Variants in SDC2 observed in about 807,000 individuals in gnomAD.
SDC2 encodes the protein syndecan-2.
SDC2 carries 13 observed loss-of-function variants against 22.2 expected under a neutral mutation model. The ratio of observed to expected loss-of-function variants is 0.59; its 90% CI spans 0.38 to 0.93. SDC2 has a LOEUF of 0.93. Ranked by LOEUF, SDC2 falls within the 40% of genes least tolerant of loss-of-function variation. SDC2 has a pLI of 0.00. For missense variants in SDC2, 235 were observed against 246.8 expected, an observed-to-expected ratio of 0.95 and a Z score of 0.32; for synonymous variants, 94 against 92.8, an observed-to-expected ratio of 1.01 and a Z score of -0.07.
chr8:96,500,417 T>C (rs1038799149), intron 1 of SDC2, among the ~76,000 whole-genome samples: 2 of 151,974 alleles, frequency 1.3e-5, no homozygotes, highest in African/African-American at 4.8e-5. Context: ...ATCCCAGCAC[T>C]TTGGGAGGCC....
chr8:96,542,090 GCTCT>G, intron 1 of SDC2, among the ~76,000 whole-genome samples: 1 of 152,208 alleles, frequency 6.6e-6, no homozygotes, highest in South Asian at 2.1e-4. Context: ...ACCAGAAATG[GCTCT>G]CTTTGTAATT....
At chr8:96,512,630 T>G (rs1035014897) in intron 1 of SDC2, among the ~76,000 whole-genome samples, 2 of 151,916 alleles carry the variant, frequency 1.3e-5, no homozygotes, top group African/African-American at 4.8e-5. Flanking sequence ...AAGCCAGATG[T>G]GGGGGCATTG....
chr8:96,573,053 G>C (rs1208588662), intron 1 of SDC2, among the ~76,000 whole-genome samples: 1 of 152,050 alleles, frequency 6.6e-6, no homozygotes, highest in African/African-American at 2.4e-5. Flanking sequence ...CTTAATGTGG[G>C]GCCTTGCCTG....
chr8:96,566,517 G>A (rs1814301184), intron 1 of SDC2, among the ~76,000 whole-genome samples: 2 of 152,070 alleles, frequency 1.3e-5, no homozygotes, highest in African/African-American at 4.8e-5. Context: ...TTGTTTGGGT[G>A]TGTTTTCATG....
chr8:96,531,911 GC>G (rs1586283485), intron 1 of SDC2, among the ~76,000 whole-genome samples: 1 of 152,186 alleles, frequency 6.6e-6, no homozygotes, highest in Non-Finnish European at 1.5e-5. Flanking sequence ...AAATTTATGT[GC>G]CAATTCAGGA....
intron 1 of SDC2, among the ~76,000 whole-genome samples, chr8:96,551,599 C>A (rs1814028630): frequency 6.6e-6 from 1 of 152,176 alleles, no homozygotes; most frequent in African/African-American, 2.4e-5. Context: ...CAAGGCCCAC[C>A]TCCTCACCTG....
At chr8:96,589,829 C>T (rs111685302) in intron 1 of SDC2, among the ~76,000 whole-genome samples, 8 of 152,284 alleles carry the variant, frequency 5.3e-5, no homozygotes, top group African/African-American at 1.4e-4. Context: ...TTCAAAGACA[C>T]GGACGTGGGC....
At chr8:96,507,011 G>GAA (rs3065030) in intron 1 of SDC2, among the ~76,000 whole-genome samples, 47 of 111,398 alleles carry the variant, frequency 4.2e-4, no homozygotes, top group African/African-American at 6.0e-4. Flanking sequence ...TCTGTCTCAG[G>GAA]AAAAAAAAAA....
chr8:96,514,655 A>G (rs1320621979), intron 1 of SDC2, among the ~76,000 whole-genome samples: 1 of 152,050 alleles, frequency 6.6e-6, no homozygotes, highest in Non-Finnish European at 1.5e-5. Flanking sequence ...GTTTTTCCAC[A>G]GGTGTTAGGG....
chr8:96,552,778 A>AGTGT (rs1814047785), intron 1 of SDC2, among the ~76,000 whole-genome samples: 1 of 152,126 alleles, frequency 6.6e-6, no homozygotes, highest in Non-Finnish European at 1.5e-5. Flanking sequence ...AAAATTGTTG[A>AGTGT]GTGTATTTAG....
intron 1 of SDC2, among the ~76,000 whole-genome samples, chr8:96,535,124 G>A (rs953418066): frequency 5.3e-5 from 8 of 151,772 alleles, no homozygotes; most frequent in East Asian, 1.9e-4. Flanking sequence ...ATTCTCCTGC[G>A]TCAGCCTCCG....
At chr8:96,569,678 A>G (rs2130579608) in intron 1 of SDC2, among the ~76,000 whole-genome samples, 1 of 152,302 alleles carries the variant, frequency 6.6e-6, no homozygotes, top group South Asian at 2.1e-4. Context: ...GGTACGTGGC[A>G]TATATTAACT....
intron 1 of SDC2, among the ~76,000 whole-genome samples, chr8:96,514,713 A>G (rs1225210956): frequency 5.3e-5 from 8 of 152,172 alleles, no homozygotes; most frequent in Non-Finnish European, 1.0e-4. Flanking sequence ...ATCAGGCATC[A>G]GACTCCTTTC....
At chr8:96,525,797 A>G (rs111992242) in intron 1 of SDC2, among the ~76,000 whole-genome samples, 5,045 of 152,256 alleles carry the variant, frequency 0.033, 113 homozygotes, top group Non-Finnish European at 0.051. Flanking sequence ...CACATATAAA[A>G]TCAGAATAAG....
chr8:96,531,366 T>C (rs1052681150), intron 1 of SDC2, among the ~76,000 whole-genome samples: 1 of 152,216 alleles, frequency 6.6e-6, no homozygotes, highest in African/African-American at 2.4e-5. Flanking sequence ...CCATATTGTA[T>C]ATGGAGAAGT....
chr8:96,561,931 T>G (rs1814216490), intron 1 of SDC2, among the ~76,000 whole-genome samples: 1 of 152,206 alleles, frequency 6.6e-6, no homozygotes, highest in South Asian at 2.1e-4. Flanking sequence ...AAATATTTTT[T>G]CCTAGTCTGT....
chr8:96,518,517 G>A (rs1813444647), intron 1 of SDC2, among the ~76,000 whole-genome samples: 1 of 151,866 alleles, frequency 6.6e-6, no homozygotes, highest in African/African-American at 2.4e-5. Context: ...CCCGCCACCA[G>A]GCCCGGCTAA....
At chr8:96,534,465 T>G (rs1352621471) in intron 1 of SDC2, among the ~76,000 whole-genome samples, 1 of 152,198 alleles carries the variant, frequency 6.6e-6, no homozygotes, top group Admixed American at 6.5e-5. Context: ...TTGAGACTCT[T>G]GCTCTGTTGC....
intron 1 of SDC2, among the ~76,000 whole-genome samples, chr8:96,530,208 C>T (rs1813638619): frequency 6.6e-6 from 1 of 152,128 alleles, no homozygotes; most frequent in African/African-American, 2.4e-5. Context: ...GGGTGGAGTG[C>T]ATGTGGGGAA....
Sources: gnomAD v4.1 joint callset for allele counts (sites outside exome capture counted in the v4.1 genomes callset) on GRCh38, gnomAD v4.1.1 for gene constraint, MANE v1.5 for transcripts, NCBI Gene and HGNC (gene_info 2026-07-23, HGNC 2026-07-21) for gene names.